AUTS2: variants seen among roughly 807,000 people sequenced by gnomAD.
The protein encoded by AUTS2 is activator of transcription and developmental regulator AUTS2, also known as autism susceptibility gene 2 protein.
In AUTS2, 17 loss-of-function variants were observed where a neutral mutation model predicts 112.4. The ratio of observed to expected loss-of-function variants is 0.15; its 90% CI spans 0.10 to 0.23. AUTS2 has a LOEUF of 0.23. AUTS2 is among the 10% of genes least tolerant of loss of function. The pLI, the probability that AUTS2 is intolerant of heterozygous loss-of-function variation, is 1.00. For missense variants in AUTS2, 1,510 were observed against 1,701.6 expected (o/e 0.89, Z 1.98); for synonymous variants, 751 against 702.7 (o/e 1.07, Z -1.09).
intron 1 of AUTS2, among the ~76,000 whole-genome samples, chr7:69,839,058 T>C (rs549882700): frequency 6.6e-6 from 1 of 152,268 alleles, no homozygotes; most frequent in East Asian, 1.9e-4. Flanking sequence ...AGCTGCATTA[T>C]TGTAGATTTG....
chr7:70,135,827 G>A (rs1050594760), intron 4 of AUTS2, among the ~76,000 whole-genome samples: 4 of 152,270 alleles, frequency 2.6e-5, no homozygotes, highest in Admixed American at 6.5e-5. Context: ...AATAACAGAC[G>A]TAGCCCCATC....
intron 1 of AUTS2, among the ~76,000 whole-genome samples, chr7:69,869,218 T>C (rs1400122250): frequency 5.3e-5 from 8 of 152,108 alleles, no homozygotes; most frequent in Non-Finnish European, 1.2e-4. Context: ...GTCAATTCTA[T>C]CAGTGTTTAT....
chr7:69,808,514 A>G (rs1231699545), intron 1 of AUTS2, among the ~76,000 whole-genome samples: 2 of 151,892 alleles, frequency 1.3e-5, no homozygotes, highest in Non-Finnish European at 2.9e-5. Flanking sequence ...CTTGGAAGTA[A>G]AAAAAAAATT....
At chr7:70,373,820 A>G (rs1792957218) in intron 4 of AUTS2, among the ~76,000 whole-genome samples, 1 of 152,152 alleles carries the variant, frequency 6.6e-6, no homozygotes, top group Admixed American at 6.5e-5. Context: ...TTTTGTTTAT[A>G]TCCTTCTAGT....
At chr7:70,751,867 C>T (rs950462699) in intron 6 of AUTS2, among the ~76,000 whole-genome samples, 2 of 151,518 alleles carry the variant, frequency 1.3e-5, no homozygotes, top group Non-Finnish European at 2.9e-5. Context: ...ATTGCAGGCG[C>T]GTGACACCAC....
intron 4 of AUTS2, among the ~76,000 whole-genome samples, chr7:70,205,039 T>G (rs1810498814): frequency 2.0e-5 from 3 of 152,102 alleles, no homozygotes; most frequent in South Asian, 2.1e-4. Context: ...TGCATTGTTT[T>G]GTTTGGTTTG....
chr7:69,933,576 G>C (rs1269750228), intron 2 of AUTS2, among the ~76,000 whole-genome samples: 2 of 152,166 alleles, frequency 1.3e-5, no homozygotes, highest in Non-Finnish European at 2.9e-5. Flanking sequence ...TTCGAAATAA[G>C]TACTATAAAT....
chr7:69,994,620 G>A (rs1328659954), intron 2 of AUTS2, among the ~76,000 whole-genome samples: 4 of 152,014 alleles, frequency 2.6e-5, no homozygotes, highest in Non-Finnish European at 2.9e-5. Context: ...AATTTCAGTG[G>A]GATTATAGTA....
At chr7:70,465,216 G>A (rs1797126298) in intron 5 of AUTS2, among the ~76,000 whole-genome samples, 1 of 152,158 alleles carries the variant, frequency 6.6e-6, no homozygotes, top group Non-Finnish European at 1.5e-5. Flanking sequence ...TGAGCAGAAA[G>A]CAGGTTGGAG....
At chr7:70,256,282 G>A (rs1255381973) in intron 4 of AUTS2, among the ~76,000 whole-genome samples, 1 of 152,186 alleles carries the variant, frequency 6.6e-6, no homozygotes, top group African/African-American at 2.4e-5. Flanking sequence ...TTTGCAGTGT[G>A]TTGGGTTAAT....
chr7:70,072,543 A>G (rs1268845144), intron 2 of AUTS2, among the ~76,000 whole-genome samples: 1 of 152,198 alleles, frequency 6.6e-6, no homozygotes. Flanking sequence ...TGCTGACATC[A>G]GAGAGATAAT....
intron 1 of AUTS2, among the ~76,000 whole-genome samples, chr7:69,716,011 G>A (rs1798587975): frequency 1.3e-5 from 2 of 152,164 alleles, no homozygotes; most frequent in South Asian, 4.1e-4. Context: ...CTGGCTGATG[G>A]CAAAGAGCAT....
intron 2 of AUTS2, among the ~76,000 whole-genome samples, chr7:69,983,201 A>T (rs1045226494): frequency 2.6e-5 from 4 of 152,186 alleles, no homozygotes; most frequent in Non-Finnish European, 4.4e-5. Context: ...ACTGCATTTT[A>T]TAACTAATTG....
intron 6 of AUTS2, among the ~76,000 whole-genome samples, chr7:70,748,866 T>C (rs1008822057): frequency 1.3e-5 from 2 of 152,200 alleles, no homozygotes; most frequent in Admixed American, 6.5e-5. Flanking sequence ...CAATATGCAT[T>C]GTTTGGTCCT....
chr7:69,846,513 A>G (rs530430843), intron 1 of AUTS2, among the ~76,000 whole-genome samples: 7 of 152,246 alleles, frequency 4.6e-5, no homozygotes, highest in Non-Finnish European at 7.4e-5. Context: ...AGCACTCCCT[A>G]TGTGTCGGGT....
chr7:69,865,252 AT>A (rs1347985815), intron 1 of AUTS2, among the ~76,000 whole-genome samples: 1 of 152,040 alleles, frequency 6.6e-6, no homozygotes, highest in Non-Finnish European at 1.5e-5. Flanking sequence ...GTGAGACAAT[AT>A]TGGTTTGTCT....
chr7:70,649,807 G>A (rs564846210), intron 5 of AUTS2, among the ~76,000 whole-genome samples: 11 of 152,228 alleles, frequency 7.2e-5, no homozygotes, highest in South Asian at 2.1e-4. Flanking sequence ...GATTATAGGC[G>A]TGAGCCACCG....
chr7:70,629,756 T>G (rs560732955), intron 5 of AUTS2, among the ~76,000 whole-genome samples: 1 of 152,200 alleles, frequency 6.6e-6, no homozygotes, highest in Admixed American at 6.5e-5. Flanking sequence ...TACCTAAGGT[T>G]CTTTTTTTTT....
intron 6 of AUTS2, among the ~76,000 whole-genome samples, chr7:70,744,230 G>A (rs1389199341): frequency 6.6e-6 from 1 of 152,172 alleles, no homozygotes; most frequent in African/African-American, 2.4e-5. Flanking sequence ...AGAATCTGAA[G>A]AAATATAGCC....
Sources: allele counts gnomAD v4.1 joint callset (sites outside exome capture counted in the v4.1 genomes callset), GRCh38; gene constraint gnomAD v4.1.1; transcripts MANE v1.5; gene names NCBI Gene and HGNC (gene_info 2026-07-23, HGNC 2026-07-21).